Variants in FOXP1 observed in about 807,000 individuals in gnomAD.
FOXP1 encodes forkhead box P1, also known as forkhead box protein P1.
In FOXP1, 15 loss-of-function variants were observed where a neutral mutation model predicts 98.2. That is an observed-to-expected ratio of 0.15 (90% CI 0.10 to 0.24). The LOEUF (loss-of-function observed/expected upper bound fraction) is 0.24, where lower values mean the gene tolerates loss of function less well. FOXP1 is among the 10% of genes least tolerant of loss of function. The pLI, the probability that FOXP1 is intolerant of heterozygous loss-of-function variation, is 1.00. For missense variants in FOXP1, 633 were observed against 848.5 expected (o/e 0.75, Z 3.15); for synonymous variants, 371 against 314.5 (o/e 1.18, Z -1.90).
chr3:71,078,340 A>T (rs1288973), intron 7 of FOXP1, among the ~76,000 whole-genome samples: 89,164 of 152,098 alleles, frequency 0.59, 30,349 homozygotes, highest in Non-Finnish European at 0.77. Context: ...TTTGATGACA[A>T]TTTTATGACT....
chr3:70,976,897 A>G, intron 17 of FOXP1, 44 bp downstream of exon 17: 3 of 1,375,906 alleles, frequency 2.2e-6, no homozygotes, highest in Non-Finnish European at 3.1e-6. Flanking sequence ...AAACTGTTCT[A>G]TGAACGTCAA....
intron 5 of FOXP1, among the ~76,000 whole-genome samples, chr3:71,297,907 T>C (rs111945176): frequency 0.011 from 1,682 of 152,258 alleles, 38 homozygotes; most frequent in African/African-American, 0.038. Context: ...ATGCCTGGCC[T>C]GTTTAATCAT....
At chr3:71,440,945 A>C (rs554334464) in intron 3 of FOXP1, among the ~76,000 whole-genome samples, 1 of 152,360 alleles carries the variant, frequency 6.6e-6, no homozygotes, top group South Asian at 2.1e-4. Flanking sequence ...CCTGTTCCTC[A>C]CATTTTAAAG....
At chr3:71,581,941 A>C in intron 1 of FOXP1, 3 of 975,954 alleles carry the variant, frequency 3.1e-6, no homozygotes, top group Non-Finnish European at 3.6e-6. Flanking sequence ...GGATCTCACA[A>C]AGTTGCAACA....
At chr3:71,359,508 T>C (rs2078402689) in intron 3 of FOXP1, among the ~76,000 whole-genome samples, 1 of 152,188 alleles carries the variant, frequency 6.6e-6, no homozygotes, top group Non-Finnish European at 1.5e-5. Context: ...TGACATCCAC[T>C]TAGGAAGTTA....
At chr3:71,079,396 C>CT (rs1443407567) in intron 7 of FOXP1, among the ~76,000 whole-genome samples, 1 of 152,116 alleles carries the variant, frequency 6.6e-6, no homozygotes, top group Non-Finnish European at 1.5e-5. Flanking sequence ...CATTAACGAT[C>CT]TTTTTTTCAT....
chr3:71,080,331 C>A (rs1373602085), intron 7 of FOXP1, among the ~76,000 whole-genome samples: 1 of 152,056 alleles, frequency 6.6e-6, no homozygotes, highest in Non-Finnish European at 1.5e-5. Flanking sequence ...GCAATTAACA[C>A]CTTTAGAAGT....
chr3:71,507,869 AC>A (rs745431512), intron 2 of FOXP1, among the ~76,000 whole-genome samples: 4 of 152,068 alleles, frequency 2.6e-5, no homozygotes, highest in African/African-American at 4.8e-5. Flanking sequence ...GAGCCACAAT[AC>A]CCAGCCCAAA....
At chr3:71,030,188 A>T (rs2046674079) in intron 11 of FOXP1, among the ~76,000 whole-genome samples, 1 of 152,188 alleles carries the variant, frequency 6.6e-6, no homozygotes, top group African/African-American at 2.4e-5. Context: ...ATTTTATTAA[A>T]CACCTACTTT....
chr3:71,385,830 G>C (rs1193732918), intron 3 of FOXP1, among the ~76,000 whole-genome samples: 1 of 152,052 alleles, frequency 6.6e-6, no homozygotes, highest in Non-Finnish European at 1.5e-5. Context: ...CTCTCTAAAT[G>C]TACCAGTCTC....
At chr3:70,984,022 C>A (rs534570894) in intron 14 of FOXP1, among the ~76,000 whole-genome samples, 1 of 152,254 alleles carries the variant, frequency 6.6e-6, no homozygotes, top group Admixed American at 6.5e-5. Context: ...TTCATTAGGG[C>A]AGTTTACTAT....
At chr3:71,026,438 C>T (rs1002670876) in intron 11 of FOXP1, among the ~76,000 whole-genome samples, 6 of 152,132 alleles carry the variant, frequency 3.9e-5, no homozygotes, top group African/African-American at 1.4e-4. Context: ...TCTCTGAAGA[C>T]GTACTTTAAT....
chr3:71,544,290 C>A (rs1468366208), intron 2 of FOXP1, among the ~76,000 whole-genome samples: 6 of 149,268 alleles, frequency 4.0e-5, no homozygotes, highest in Non-Finnish European at 5.9e-5. Flanking sequence ...TAATTTATAT[C>A]ATCTATAAAC....
chr3:71,259,762 G>C (rs2068939797), intron 5 of FOXP1, among the ~76,000 whole-genome samples: 1 of 152,218 alleles, frequency 6.6e-6, no homozygotes, highest in South Asian at 2.1e-4. Context: ...ACTTAGAACA[G>C]CATATTAACA....
At chr3:70,965,863 A>G (rs1234750435) in intron 20 of FOXP1, 27 bp downstream of exon 20, 5 of 1,611,996 alleles carry the variant, frequency 3.1e-6, no homozygotes, top group Middle Eastern at 1.9e-4. Flanking sequence ...TCAGATAGCA[A>G]AGACCTGTTG....
intron 5 of FOXP1, among the ~76,000 whole-genome samples, chr3:71,237,430 A>G (rs953773607): frequency 6.6e-6 from 1 of 152,070 alleles, no homozygotes; most frequent in African/African-American, 2.4e-5. Context: ...CTAGCTAGCC[A>G]CGCTTCCAGG....
intron 12 of FOXP1, among the ~76,000 whole-genome samples, chr3:71,013,705 A>C (rs1230531579): frequency 6.6e-6 from 1 of 152,146 alleles, no homozygotes; most frequent in African/African-American, 2.4e-5. Flanking sequence ...AATCCTAAGC[A>C]AAAAGAACAA....
At chr3:71,403,832 C>A (rs1399672282) in intron 3 of FOXP1, among the ~76,000 whole-genome samples, 15 of 152,180 alleles carry the variant, frequency 9.9e-5, no homozygotes, top group African/African-American at 4.8e-5. Flanking sequence ...GCCTGTGCAA[C>A]AGAGCAAGAC....
chr3:71,279,637 T>C (rs1020158598), intron 5 of FOXP1, among the ~76,000 whole-genome samples: 1 of 152,134 alleles, frequency 6.6e-6, no homozygotes, highest in African/African-American at 2.4e-5. Flanking sequence ...ATCTCGTGTA[T>C]CCAACCAAGT....
Sources: gnomAD v4.1 joint callset for allele counts (sites outside exome capture counted in the v4.1 genomes callset) on GRCh38, gnomAD v4.1.1 for gene constraint, MANE v1.5 for transcripts, NCBI Gene and HGNC (gene_info 2026-07-23, HGNC 2026-07-21) for gene names.